Variants in BLNK observed in about 807,000 individuals in gnomAD.
The protein encoded by BLNK is B cell linker, also known as B-cell linker protein.
A neutral mutation model predicts 73.5 loss-of-function variants in BLNK; 29 were observed. The observed-to-expected ratio is 0.39, with a 90% CI of 0.29 to 0.54. The LOEUF is 0.54. Ranked by LOEUF, BLNK falls within the 20% of genes least tolerant of loss-of-function variation. The pLI is 0.61. For missense variants in BLNK, 460 were observed against 562.8 expected (o/e 0.82, Z 1.85); for synonymous variants, 176 against 200.8 (o/e 0.88, Z 1.04).
In BLNK at chr10:96,200,362, C is replaced by G. The variant is rs906435326; in HGVS notation, c.1012-204G>C. 6.6e-6 allele frequency among the ~76,000 whole-genome samples: 1 copy of G among 151,942 alleles called. No individual in the cohort carries two copies. Among genetic ancestry groups the G allele is most frequent in the Non-Finnish European group, 1.5e-5 (1 of 67,980 alleles). Reference sequence around the variant, plus strand: ...TTTTTGTATTTTTTTTTCATTTGGCCTTAGCTAGGTTCCTGAATTATTTCT... The same window carrying G: ...TTTTTGTATTTTTTTTTCATTTGGCGTTAGCTAGGTTCCTGAATTATTTCT... On this transcript the variant is annotated intron_variant, in intron 14 of 16. Transcript: ENST00000224337. This position sits in a 1 kb window ranked among gnomAD's most constrained non-coding sequence, Gnocchi z 4.3.
rs1554915787 is a variant in BLNK, at chr10:96,271,478, T to C, written c.-80A>G. On this transcript the variant is annotated 5_prime_UTR_variant, in exon 1 of 17. The change abolishes an upstream ATG in the 5' untranslated region. Coordinates refer to ENST00000224337, the MANE Select transcript of BLNK (RefSeq NM_013314.4). ...TTCCTGGCCCTCCTAGGGAGCAGCA[T>C]GGTAAGCCTCTGGTCTCAAGGGTTC... is the stretch of plus-strand genomic sequence containing the variant. 1.4e-6 allele frequency: 2 copies of C among 1,464,860 alleles called. No individual in the cohort carries two copies. The highest frequency in any genetic ancestry group is 4.5e-5 in the East Asian group (2 of 44,132). The allele number at this position is 1,464,860 out of a possible 1,614,324, so 90.7% of individuals were successfully genotyped here.
At chr10:96,236,346 G>T (rs1842688750) in intron 3 of BLNK, among the ~76,000 whole-genome samples, 1 of 152,176 alleles carries the variant, frequency 6.6e-6, no homozygotes, top group Non-Finnish European at 1.5e-5. Context: ...GCCAGTTGTG[G>T]TGGTGGGGAC....
At chr10:96,198,904 G>C (rs2083549753) in intron 15 of BLNK, among the ~76,000 whole-genome samples, 1 of 152,166 alleles carries the variant, frequency 6.6e-6, no homozygotes, top group Non-Finnish European at 1.5e-5. Context: ...TTGCCATCTT[G>C]GCCAGGCTGG....
At chr10:96,262,002 T>A (rs1591370028) in intron 1 of BLNK, among the ~76,000 whole-genome samples, 1 of 152,320 alleles carries the variant, frequency 6.6e-6, no homozygotes, top group East Asian at 1.9e-4. Context: ...GCACCCTTGG[T>A]CATAGCCTCC....
intron 2 of BLNK, among the ~76,000 whole-genome samples, 177 bp from the exon 3 acceptor site, chr10:96,242,961 G>T (rs1441024716): frequency 6.6e-6 from 1 of 152,196 alleles, no homozygotes; most frequent in Non-Finnish European, 1.5e-5. Context: ...TTAGTCAGGG[G>T]TTTTCCACCT....
chr10:96,248,679 T>G (rs1326334712), intron 1 of BLNK, among the ~76,000 whole-genome samples: 2 of 152,218 alleles, frequency 1.3e-5, no homozygotes, highest in Non-Finnish European at 2.9e-5. Context: ...ATCTTCTCCC[T>G]GCTTCTTCTG....
intron 1 of BLNK, among the ~76,000 whole-genome samples, chr10:96,259,576 A>G (rs1554912139): frequency 1.3e-5 from 2 of 151,290 alleles, no homozygotes; most frequent in African/African-American, 4.9e-5. Flanking sequence ...GTTCCCTTAC[A>G]CACAAGCATC....
chr10:96,247,078 A>G, intron 1 of BLNK, 29 bp from the exon 2 acceptor site: 1 of 1,506,518 alleles, frequency 6.6e-7, no homozygotes, highest in Non-Finnish European at 9.1e-7. Context: ...AACATAAGAT[A>G]TTAATAACCA....
rs12220691 is a variant in BLNK, at chr10:96,220,019, A to G, written c.526-3285T>C. Among the ~76,000 whole-genome samples, 611 of 152,284 alleles carry G rather than the reference A, an allele frequency of 4.0e-3. 30 individuals are homozygous for G. The East Asian group carries it at 0.1, about 26-fold the overall frequency. On this transcript the variant is annotated intron_variant, in intron 6 of 16. Coordinates refer to ENST00000224337, the MANE Select transcript of BLNK (RefSeq NM_013314.4). ...ATGGCACTGGCCAAGTAGAAAACCC[A>G]TTTGTATAATAAGATTAGGGTGGGG...
chr10:96,221,534 C>T (rs1554901158), intron 6 of BLNK, among the ~76,000 whole-genome samples: 3 of 152,178 alleles, frequency 2.0e-5, no homozygotes, highest in Non-Finnish European at 4.4e-5. Flanking sequence ...CTTCATACTT[C>T]TCTTTTTCCC....
chr10:96,240,583 C>G (rs184194030), intron 3 of BLNK, among the ~76,000 whole-genome samples: 111 of 152,192 alleles, frequency 7.3e-4, no homozygotes, highest in Non-Finnish European at 1.5e-4. Context: ...TATTTAAAGG[C>G]TTGAACTGTG....
intron 3 of BLNK, 84 bp from the exon 4 acceptor site, chr10:96,230,918 G>C: frequency 7.0e-7 from 1 of 1,429,592 alleles, no homozygotes. Context: ...TTTCGCACCT[G>C]CCTTCCCTTC....
intron 9 of BLNK, among the ~76,000 whole-genome samples, chr10:96,208,393 TG>T (rs1470318565): frequency 1.3e-5 from 2 of 152,176 alleles, no homozygotes; most frequent in East Asian, 3.9e-4. Flanking sequence ...GCTTCCTCCC[TG>T]TCTCTAGGGA....
chr10:96,191,725 T>C lies in BLNK; in HGVS notation c.*248A>G, dbSNP rs587607294. On this transcript the variant is annotated 3_prime_UTR_variant, in exon 17 of 17. Coordinates refer to ENST00000224337, the MANE Select transcript of BLNK (RefSeq NM_013314.4). ...TATTTTTAAAAATAAAAATATTTAT[T>C]TGGAAAATATTAGTAGCATGATAAC... 29 of 362,588 alleles carry C rather than the reference T, an allele frequency of 8.0e-5. No individual in the cohort carries two copies. The highest frequency in any genetic ancestry group is 5.7e-4 in the African/African-American group (27 of 47,778). 22.5% of individuals were successfully genotyped at this position (362,588 alleles called of 1,614,324 possible). A position where few individuals can be genotyped will look rare whatever the true frequency, so the allele number is the denominator to read the frequency against.
Position 96,215,380 on chromosome 10 carries a change from A to G in BLNK, c.617T>C (p.Val206Ala). ...SSPPPEKAPMVNRSTKPNSST... is the reference protein window; with the variant it reads ...SSPPPEKAPMANRSTKPNSST... ...GGAATTTGGCTTGGTTGATCTATTC[A>G]CCATGGGAGCTTAAACACAGAAATG... The change falls in exon 8 of 17, where the codon GTG becomes GCG. Residue 206 changes from valine (V) to alanine (A), a missense_variant. Transcript: ENST00000224337. The G allele has an allele frequency of 6.2e-7, 1 of 1,612,934 alleles. No homozygotes were observed. The highest frequency in any genetic ancestry group is 8.5e-7 in the Non-Finnish European group (1 of 1,179,638).
chr10:96,245,577 A>T (rs545918539), intron 2 of BLNK, among the ~76,000 whole-genome samples: 1 of 152,296 alleles, frequency 6.6e-6, no homozygotes, highest in South Asian at 2.1e-4. Context: ...ATATATAGCT[A>T]GTTAATTGAA....
chr10:96,206,196 T>A (rs782650439), intron 11 of BLNK, among the ~76,000 whole-genome samples: 66 of 152,290 alleles, frequency 4.3e-4, no homozygotes, highest in African/African-American at 1.6e-3. Context: ...TATGTAGATA[T>A]ACGCACATCA....
intron 1 of BLNK, 51 bp downstream of exon 1, chr10:96,271,301 T>C: frequency 6.3e-7 from 1 of 1,587,562 alleles, no homozygotes; most frequent in Non-Finnish European, 8.6e-7. Flanking sequence ...ATAAGAGCAC[T>C]GGGGGGAAAA....
chr10:96,204,437 C>T (rs1487705085), intron 12 of BLNK, 95 bp downstream of exon 12: 24 of 1,331,532 alleles, frequency 1.8e-5, no homozygotes, highest in Non-Finnish European at 2.6e-5. Context: ...TTTTACCTAG[C>T]ACTGCAAGTC....
Sources: allele counts gnomAD v4.1 joint callset (sites outside exome capture counted in the v4.1 genomes callset), GRCh38; gene constraint gnomAD v4.1.1; non-coding constraint Gnocchi (gnomAD v3.1); transcripts MANE v1.5; gene names NCBI Gene and HGNC (gene_info 2026-07-23, HGNC 2026-07-21).